Variants in OPA3 observed in about 807,000 individuals in gnomAD.
OPA3 encodes optic atrophy 3 protein.
In OPA3, 6 loss-of-function variants were observed where a neutral mutation model predicts 4.0. The ratio of observed to expected loss-of-function variants is 1.51; its 90% CI spans 0.83 to 2.99. The LOEUF is 2.99. OPA3 is among the 30% of genes most tolerant of loss of function. The pLI, the probability that OPA3 is intolerant of heterozygous loss-of-function variation, is 0.00. For missense variants in OPA3, 235 were observed against 256.2 expected, an observed-to-expected ratio of 0.92 and a Z score of 0.56; for synonymous variants, 105 against 117.1, an observed-to-expected ratio of 0.90 and a Z score of 0.67.
chr19:45,562,657 G>A, intron 1 of OPA3, among the ~76,000 whole-genome samples: 1 of 152,198 alleles, frequency 6.6e-6, no homozygotes, highest in Non-Finnish European at 1.5e-5. Flanking sequence ...CCACTGCCCA[G>A]CCTGGGAGAC....
chr19:45,534,977 A>C (rs1487713212), intron 1 of OPA3, among the ~76,000 whole-genome samples: 1 of 152,120 alleles, frequency 6.6e-6, no homozygotes, highest in East Asian at 1.9e-4. Context: ...ACTTCCAGCT[A>C]TTCAATGAGT....
chr19:45,577,425 A>G (rs1489852876), intron 1 of OPA3, among the ~76,000 whole-genome samples: 1 of 152,224 alleles, frequency 6.6e-6, no homozygotes, highest in African/African-American at 2.4e-5. Context: ...AAGGGCAATC[A>G]GCAGTGTGAA....
rs1040138113 is a variant in OPA3 at position 45,551,284 on chromosome 19, TGAG to T, written c.*2227_*2229del. Reference sequence around the variant, plus strand: ...CCTGGACGCCAGCGTACTCTTGGGGTGAGGAGGAATAGTGGGCTGAATGGCTTG... The same window carrying T: ...CCTGGACGCCAGCGTACTCTTGGGGTGAGGAATAGTGGGCTGAATGGCTTG... On this transcript the variant is annotated 3_prime_UTR_variant, in exon 2 of 2. Coordinates refer to ENST00000263275, the MANE Select transcript of OPA3 (RefSeq NM_025136.4). 1.3e-5 allele frequency: 2 copies of T among 152,590 alleles called. No individual in the cohort carries two copies. The highest frequency in any genetic ancestry group is 4.8e-5 in the African/African-American group (2 of 41,400). The allele number at this position is 152,590 out of a possible 1,614,324, so 9.5% of individuals were successfully genotyped here.
chr19:45,582,309 G>A (rs1969868171), intron 1 of OPA3, among the ~76,000 whole-genome samples: 1 of 151,646 alleles, frequency 6.6e-6, no homozygotes, highest in Non-Finnish European at 1.5e-5. Context: ...ATAGGCGCCC[G>A]CCACCAAGCC....
chr19:45,559,393 C>CTTTTTTTTTTTTTTTT (rs1411300137), intron 1 of OPA3, among the ~76,000 whole-genome samples: 1 of 97,824 alleles, frequency 1.0e-5, no homozygotes, highest in Non-Finnish European at 1.8e-5. Flanking sequence ...CCCTCTTTTT[C>CTTTTTTTTTTTTTTTT]TTTCTTTTTT....
chr19:45,551,641 C>G lies in OPA3; in HGVS notation c.*1873G>C. The stretch of plus-strand genomic sequence containing the variant: ...AATTAAATTCCTGTTGGACTTAAGC[C>G]ATCAAGTTCACCACCCAATGGTGAT... On this transcript the variant is annotated 3_prime_UTR_variant, in exon 2 of 2. Transcript: ENST00000263275. 17 of 887,706 alleles carry G rather than the reference C, an allele frequency of 1.9e-5. No individual in the cohort carries two copies. The highest frequency in any genetic ancestry group is 2.3e-5 in the Non-Finnish European group (17 of 740,686). The allele number at this position is 887,706 out of a possible 1,614,324, so 55.0% of individuals were successfully genotyped here.
At chr19:45,574,261 G>A (rs1969733307) in intron 1 of OPA3, among the ~76,000 whole-genome samples, 1 of 152,080 alleles carries the variant, frequency 6.6e-6, no homozygotes, top group Admixed American at 6.6e-5. Flanking sequence ...TGGGCGTGGT[G>A]GCGGGCGCCT....
At chr19:45,545,493 C>CTGGT (rs1969238740), downstream of OPA3, among the ~76,000 whole-genome samples, 1 of 147,100 alleles carries the variant, frequency 6.8e-6, no homozygotes, top group Admixed American at 6.8e-5. Context: ...ATTGCACCAC[C>CTGGT]GCACTCCAGC....
chr19:45,573,265 A>G (rs1969715243), intron 1 of OPA3, among the ~76,000 whole-genome samples: 1 of 151,886 alleles, frequency 6.6e-6, no homozygotes, highest in Non-Finnish European at 1.5e-5. Context: ...CCCAAATCTC[A>G]TCTTATATTC....
chr19:45,578,686 G>A lies in OPA3; in HGVS notation c.142+5937C>T, dbSNP rs541964815. The stretch of plus-strand genomic sequence containing the variant: ...CTACTTAAAATACAAAATTAGCCGG[G>A]CGTGGTGGCGCATGCCTGTAATCCC... On this transcript the variant is annotated intron_variant, in intron 1 of 1. Coordinates refer to ENST00000263275, the MANE Select transcript of OPA3 (RefSeq NM_025136.4). Among the ~76,000 whole-genome samples the A allele has an allele frequency of 2.2e-4, 34 of 152,202 alleles. No individual in the cohort carries two copies. The East Asian group carries it at 6.6e-3, about 29-fold the overall frequency.
chr19:45,529,882 C>G (rs1354460378), intron 1 of OPA3, among the ~76,000 whole-genome samples: 1 of 152,062 alleles, frequency 6.6e-6, no homozygotes, highest in Non-Finnish European at 1.5e-5. Flanking sequence ...AACGTGTGCG[C>G]GCCATCATGC....
downstream of OPA3, among the ~76,000 whole-genome samples, chr19:45,542,611 G>A (rs1014585001): frequency 2.0e-5 from 3 of 151,448 alleles, no homozygotes; most frequent in South Asian, 2.1e-4. Flanking sequence ...TTGTATATGC[G>A]GTTTGTTGTG....
At chr19:45,571,091 TG>T (rs1305014247) in intron 1 of OPA3, among the ~76,000 whole-genome samples, 3 of 152,044 alleles carry the variant, frequency 2.0e-5, no homozygotes, top group Non-Finnish European at 4.4e-5. Flanking sequence ...TACTATTATA[TG>T]TTAGCGCTAT....
Position 45,550,631 on chromosome 19 carries a change from C to G in OPA3, c.*2883G>C. On this transcript the variant is annotated 3_prime_UTR_variant, in exon 2 of 2. Transcript: ENST00000263275. ...TCTCTGGCAAGTCCCTTTGCTTACC[C>G]CTGGCCTTAGTTTCCCCAGCTCATA... 1 of 986,150 alleles carries G rather than the reference C, an allele frequency of 1.0e-6. No homozygotes were observed. The highest frequency in any genetic ancestry group is 1.2e-6 in the Non-Finnish European group (1 of 830,458). The allele number at this position is 986,150 out of a possible 1,614,324, so 61.1% of individuals were successfully genotyped here.
chr19:45,544,803 T>TAAATAAAC (rs1434222933), downstream of OPA3, among the ~76,000 whole-genome samples: 59 of 122,706 alleles, frequency 4.8e-4, no homozygotes, highest in Admixed American at 1.2e-3. Context: ...TCAAAATAAA[T>TAAATAAAC]AAATAAATAA....
intron 1 of OPA3, among the ~76,000 whole-genome samples, chr19:45,579,614 T>C (rs1026216470): frequency 1.2e-4 from 18 of 152,182 alleles, no homozygotes; most frequent in African/African-American, 3.4e-4. Flanking sequence ...GTTGTATCTA[T>C]AACATCTACG....
In OPA3 at chr19:45,553,909, A is replaced by G. The variant is rs1384629048; in HGVS notation, c.145T>C (p.Tyr49His). The G allele has an allele frequency of 3.7e-6, 6 of 1,605,404 alleles. No individual in the cohort carries two copies. Among genetic ancestry groups the G allele is most frequent in the Non-Finnish European group, 3.4e-6 (4 of 1,173,512 alleles). Reference sequence around the variant, plus strand: ...TTGGTCCGCATCTCCACCCAGTGATACACTGCGGGGGAAGAGAGGGGTCAG... The same window carrying G: ...TTGGTCCGCATCTCCACCCAGTGATGCACTGCGGGGGAAGAGAGGGGTCAG... The part of the protein sequence containing the change: ...TYICLPPAQL[Y>H]HWVEMRTKMR... Residue 49 changes from tyrosine (Y) to histidine (H), a missense_variant and splice_region_variant, in exon 2 of 2, where the codon TAT (tyrosine) becomes CAT (histidine). Transcript: ENST00000263275.
chr19:45,538,517 T>C (rs562900226), intron 1 of OPA3, among the ~76,000 whole-genome samples: 2 of 151,988 alleles, frequency 1.3e-5, no homozygotes, highest in Non-Finnish European at 2.9e-5. Context: ...GGTCAGAAGT[T>C]CGAGACCAGG....
intron 1 of OPA3, among the ~76,000 whole-genome samples, chr19:45,540,045 G>A (rs750017964): frequency 3.3e-5 from 5 of 151,992 alleles, no homozygotes; most frequent in Admixed American, 6.6e-5. Context: ...TCGGCCAGGC[G>A]CAGTGGCTCA....
Sources: gnomAD v4.1 joint callset for allele counts (sites outside exome capture counted in the v4.1 genomes callset) on GRCh38, gnomAD v4.1.1 for gene constraint, MANE v1.5 for transcripts, NCBI Gene and HGNC (gene_info 2026-07-23, HGNC 2026-07-21) for gene names.